The following ZDHHC7 variants were observed in gnomAD, a reference collection of about 807,000 sequenced individuals.
ZDHHC7 encodes zDHHC palmitoyltransferase 7.
ZDHHC7 carries 12 observed loss-of-function variants against 34.1 expected under a neutral mutation model. The observed-to-expected ratio is 0.35, with a 90% confidence interval of 0.23 to 0.57. The LOEUF is 0.57. Among genes scored for constraint, ZDHHC7 ranks in the 20% least tolerant of loss-of-function variants. The probability of loss-of-function intolerance (pLI) is 0.84; values close to 1 mark genes in which losing one functional copy is unlikely to be tolerated. For synonymous variants in ZDHHC7, 185 were observed against 155.4 expected (o/e 1.19, Z -1.42); for missense variants, 388 against 402.7 (o/e 0.96, Z 0.31).
chr16:84,977,414 A>T (rs2072312396), intron 6 of ZDHHC7, 189 bp from the exon 7 acceptor site: 1 of 643,942 alleles, frequency 1.6e-6, no homozygotes, highest in Non-Finnish European at 2.6e-6. Flanking sequence ...GCAAAAATTC[A>T]TACCATGACT....
At chr16:85,018,605 G>A in the ZDHHC7 span, among the ~76,000 whole-genome samples, 42 of 152,120 alleles carry the variant, frequency 2.8e-4, no homozygotes, top group Non-Finnish European at 4.7e-4. Flanking sequence ...GTGCCACCAC[G>A]CCCGGCTCAT....
Position 85,009,574 on chromosome 16 carries a change from A to C in ZDHHC7, c.-104+1712T>G, listed in dbSNP as rs553974725. 3.9e-5 allele frequency among the ~76,000 whole-genome samples: 6 copies of C among 152,250 alleles called. No individual in the cohort carries two copies. The South Asian group carries it at 1.2e-3, about 32-fold the overall frequency. On this transcript the variant is annotated intron_variant, in intron 1 of 7. Transcript: ENST00000313732. ...TAGTCTTCTTCTCCTTCAACTCTCA[A>C]ATCAGAAGCCAATGTGGGCCCCTAA... is the stretch of plus-strand genomic sequence containing the variant.
chr16:84,981,825 C>T, intron 4 of ZDHHC7, 45 bp downstream of exon 4: 1 of 1,612,738 alleles, frequency 6.2e-7, no homozygotes, highest in Non-Finnish European at 8.5e-7. Context: ...GCACACGTAC[C>T]CGCAGTGGCG....
chr16:84,983,787 G>C (rs111613771), intron 3 of ZDHHC7, among the ~76,000 whole-genome samples: 1 of 151,872 alleles, frequency 6.6e-6, no homozygotes, highest in Non-Finnish European at 1.5e-5. Context: ...GGATCACGAG[G>C]TTAGGAGTTC....
In ZDHHC7 at chr16:84,979,198, C is replaced by A. The variant is rs747228736; in HGVS notation, c.528G>T (p.Val176=). ...AAATATTTTTACTTACAGTGAAGAG[C>A]ACAAAAAATCTTTGATTCTTTTCTC... ...CVGEKNQRFF[V]LFTMYIALSS... Residue 176 remains valine, a synonymous_variant, in exon 5 of 8, where the codon GTG becomes GTT. Coordinates refer to ENST00000313732, the MANE Select transcript of ZDHHC7 (RefSeq NM_017740.3). 4 of 1,596,884 alleles carry A rather than the reference C, an allele frequency of 2.5e-6. No individual in the cohort carries two copies. Among genetic ancestry groups the A allele is most frequent in the Non-Finnish European group, 3.4e-6 (4 of 1,175,538 alleles).
chr16:84,982,376 A>G (rs2072382362), intron 3 of ZDHHC7, among the ~76,000 whole-genome samples: 1 of 151,786 alleles, frequency 6.6e-6, no homozygotes, highest in South Asian at 2.1e-4. Context: ...TATTTTCTAT[A>G]TCATCAAACA....
the ZDHHC7 span, among the ~76,000 whole-genome samples, chr16:85,023,411 C>A: frequency 1.3e-5 from 2 of 151,936 alleles, no homozygotes; most frequent in African/African-American, 2.4e-5. Context: ...GTGATCCACC[C>A]GCCTCGGCCT....
At chr16:84,984,344 C>T (rs145455631) in intron 3 of ZDHHC7, among the ~76,000 whole-genome samples, 25 of 152,230 alleles carry the variant, frequency 1.6e-4, no homozygotes, top group African/African-American at 6.0e-4. Context: ...CAACTTTCCT[C>T]CAACAATCTA....
upstream of ZDHHC7, among the ~76,000 whole-genome samples, chr16:85,014,634 A>G (rs184743907): frequency 1.5e-3 from 235 of 152,334 alleles, no homozygotes; most frequent in South Asian, 0.014. Flanking sequence ...TACATGATCC[A>G]GTCTCCAGGG....
chr16:84,983,405 A>C (rs2072395762), intron 3 of ZDHHC7, among the ~76,000 whole-genome samples: 1 of 152,096 alleles, frequency 6.6e-6, no homozygotes. Context: ...AAATTTTAGA[A>C]AGTTCAGCAG....
intron 3 of ZDHHC7, chr16:84,988,913 C>G: frequency 6.5e-7 from 1 of 1,543,492 alleles, no homozygotes; most frequent in Non-Finnish European, 8.8e-7. Context: ...TGAGCTGGAC[C>G]TGGCCCTGTA....
chr16:85,025,130 TAGAC>T, the ZDHHC7 span, among the ~76,000 whole-genome samples: 2 of 151,880 alleles, frequency 1.3e-5, no homozygotes, highest in African/African-American at 2.4e-5. Flanking sequence ...ATACAAAAAT[TAGAC>T]AGGCATGGCG....
rs911025234 is a variant in ZDHHC7 at position 84,979,325 on chromosome 16, G to A, written c.441-40C>T. ...TTGATTTTTCAGTATTCCATGCTCTGAGGAAACCAGAGTAACACAACCAAA... is the reference window on the plus strand; with the variant it reads ...TTGATTTTTCAGTATTCCATGCTCTAAGGAAACCAGAGTAACACAACCAAA... On this transcript the variant is annotated intron_variant, in intron 4 of 7. Coordinates refer to ENST00000313732, the MANE Select transcript of ZDHHC7 (RefSeq NM_017740.3). 6 of 1,592,576 alleles carry A rather than the reference G, an allele frequency of 3.8e-6. No homozygotes were observed. In the African/African-American group the frequency reaches 6.8e-5, roughly 18 times the overall value.
At chr16:85,017,864 G>C in the ZDHHC7 span, among the ~76,000 whole-genome samples, 1 of 152,208 alleles carries the variant, frequency 6.6e-6, no homozygotes, top group Non-Finnish European at 1.5e-5. Context: ...CACGTGTAAG[G>C]GGGTTTGAGG....
At position 84,995,587 on chromosome 16, in the gene ZDHHC7, T is replaced by C. The variant is rs116417895; in HGVS notation, c.-18+335A>G. ...GTCGCAGAGAGCCAAGATCACGCCA[T>C]TGCACTCTAGCCTAGGCAACAGACT... is the stretch of plus-strand genomic sequence containing the variant. On this transcript the variant is annotated intron_variant, in intron 2 of 7. Coordinates refer to ENST00000313732, the MANE Select transcript of ZDHHC7 (RefSeq NM_017740.3). 7.7e-3 allele frequency among the ~76,000 whole-genome samples: 1,170 copies of C among 152,226 alleles called. 14 individuals carry two copies. Among genetic ancestry groups the C allele is most frequent in the African/African-American group, 0.025 (1,024 of 41,540 alleles).
upstream of ZDHHC7, among the ~76,000 whole-genome samples, chr16:85,012,535 A>G (rs2072808043): frequency 6.6e-6 from 1 of 152,154 alleles, no homozygotes; most frequent in Non-Finnish European, 1.5e-5. Flanking sequence ...AGACAAAAGT[A>G]AGACCCCATA....
chr16:85,024,230 G>GTT, the ZDHHC7 span, among the ~76,000 whole-genome samples: 6,679 of 108,680 alleles, frequency 0.061, 302 homozygotes, highest in Middle Eastern at 0.12. Flanking sequence ...AGAGTTTTTT[G>GTT]TTTTTTTTTT....
chr16:85,022,202 T>G, the ZDHHC7 span, among the ~76,000 whole-genome samples: 1 of 147,414 alleles, frequency 6.8e-6, no homozygotes, highest in African/African-American at 2.5e-5. Context: ...AAATGTCAAC[T>G]AATAAATGTA....
intron 4 of ZDHHC7, among the ~76,000 whole-genome samples, chr16:84,979,834 ATAAC>A (rs1364042145): frequency 1.3e-5 from 2 of 152,072 alleles, no homozygotes; most frequent in Non-Finnish European, 2.9e-5. Flanking sequence ...CCAATTTTAA[ATAAC>A]TAATTTGATT....
Sources: allele counts gnomAD v4.1 joint callset (sites outside exome capture counted in the v4.1 genomes callset), GRCh38; gene constraint gnomAD v4.1.1; transcripts MANE v1.5; gene names NCBI Gene and HGNC (gene_info 2026-07-23, HGNC 2026-07-21).